ANKH: variants seen among roughly 807,000 people sequenced by gnomAD.
ANKH encodes the protein mineralization regulator ANKH.
In ANKH, 15 loss-of-function variants were observed where a neutral mutation model predicts 49.0. The ratio of observed to expected loss-of-function variants is 0.31; its 90% CI spans 0.20 to 0.47. The LOEUF is 0.47. Among genes scored for constraint, ANKH ranks in the 20% least tolerant of loss-of-function variants. The pLI is 1.00. For synonymous variants in ANKH, 273 were observed against 260.0 expected (o/e 1.05, Z -0.48); for missense variants, 429 against 652.0 (o/e 0.66, Z 3.72).
chr5:14,811,252 G>A (rs553535797), intron 1 of ANKH, among the ~76,000 whole-genome samples: 3 of 150,026 alleles, frequency 2.0e-5, no homozygotes, highest in Admixed American at 6.6e-5. Flanking sequence ...ATTCATACAC[G>A]ATAAAAAGAC....
chr5:14,861,566 G>A (rs1272614704), intron 1 of ANKH, among the ~76,000 whole-genome samples: 2 of 152,152 alleles, frequency 1.3e-5, no homozygotes, highest in East Asian at 1.9e-4. Flanking sequence ...GGTGTGGTGT[G>A]TGGCAGTGCC....
chr5:14,795,519 C>G (rs535555493), intron 1 of ANKH, among the ~76,000 whole-genome samples: 1 of 152,134 alleles, frequency 6.6e-6, no homozygotes, highest in Non-Finnish European at 1.5e-5. Context: ...AAACCTTCAC[C>G]CTTTTCAAAT....
At chr5:14,845,174 A>C (rs1353747334) in intron 1 of ANKH, among the ~76,000 whole-genome samples, 3 of 152,124 alleles carry the variant, frequency 2.0e-5, no homozygotes, top group Admixed American at 1.3e-4. Context: ...CTGGCAAAAA[A>C]CAAAAATGGA....
rs138050705 is a variant in ANKH at position 14,710,005 on chromosome 5, C to G, written c.*1192G>C. 2.0e-4 allele frequency: 30 copies of G among 152,120 alleles called. 1 individual carries two copies. The East Asian group carries it at 5.4e-3, about 27-fold the overall frequency. The allele number at this position is 152,120 out of a possible 1,614,324, so 9.4% of individuals were successfully genotyped here. On this transcript the variant is annotated 3_prime_UTR_variant, in exon 12 of 12. Transcript: ENST00000284268. ...CTATAATTTTTTTAAAGGAAAAAAC[C>G]TGCTTTCCAAAACTTAGAAAAATAT...
intron 1 of ANKH, among the ~76,000 whole-genome samples, chr5:14,841,757 C>T (rs2126610097): frequency 6.6e-6 from 1 of 152,288 alleles, no homozygotes; most frequent in Non-Finnish European, 1.5e-5. Flanking sequence ...CGCCAAGCCC[C>T]CAGCAACCCC....
rs1416374265 is a variant in ANKH, at chr5:14,871,348, T to A, written c.96+4A>T. 2 of 1,609,046 alleles carry A rather than the reference T, an allele frequency of 1.2e-6. No homozygotes were observed. The highest frequency in any genetic ancestry group is 2.7e-5 in the African/African-American group (2 of 74,442). ...CGGGCGTGGGGCGCGGGGCCGGGGC[T>A]TACCTGCTCCCCGAAGTCGATGGCT... is the stretch of plus-strand genomic sequence containing the variant. On this transcript the variant is annotated splice_donor_region_variant and intron_variant, in intron 1 of 11. Coordinates refer to ENST00000284268, the MANE Select transcript of ANKH (RefSeq NM_054027.6).
chr5:14,811,957 C>A (rs1178080177), intron 1 of ANKH, among the ~76,000 whole-genome samples: 2 of 152,066 alleles, frequency 1.3e-5, no homozygotes, highest in African/African-American at 4.8e-5. Flanking sequence ...TTAGAAGCAC[C>A]TTTTAGAAGT....
intron 1 of ANKH, chr5:14,798,116 T>G (rs906357250): frequency 6.4e-7 from 1 of 1,554,802 alleles, no homozygotes. Flanking sequence ...CGTAGTGTGA[T>G]GCATCAAACT....
rs1385582460 is a variant in ANKH, at chr5:14,707,910, G to A, written c.*3287C>T. The A allele has an allele frequency of 6.6e-6, 1 of 152,174 alleles. No individual in the cohort carries two copies. The highest frequency in any genetic ancestry group is 1.5e-5 in the Non-Finnish European group (1 of 68,034). 9.4% of individuals were successfully genotyped at this position (152,174 alleles called of 1,614,324 possible). A position where few individuals can be genotyped will look rare whatever the true frequency, so the allele number is the denominator to read the frequency against. On this transcript the variant is annotated 3_prime_UTR_variant, in exon 12 of 12. Transcript: ENST00000284268. ...AAACCCGATGCAGGCAGTCATGGGG[G>A]ATGACTGTTTTTTACCCAGAAATGC...
rs1456509862 is a variant in ANKH at position 14,705,496 on chromosome 5, GC to G, written c.*5700del. Reference sequence around the variant, plus strand: ...GCCAAGAAGCGTGAGTGATATGGAAGCCTCCAGCTTGAATACACTTCTTAAA... The same window carrying G: ...GCCAAGAAGCGTGAGTGATATGGAAGCTCCAGCTTGAATACACTTCTTAAA... On this transcript the variant is annotated 3_prime_UTR_variant, in exon 12 of 12. Transcript: ENST00000284268. 6.6e-6 allele frequency: 1 copy of G among 152,232 alleles called. No individual in the cohort carries two copies. Among genetic ancestry groups the G allele is most frequent in the African/African-American group, 2.4e-5 (1 of 41,460 alleles). 9.4% of individuals were successfully genotyped at this position (152,232 alleles called of 1,614,324 possible).
chr5:14,745,005 C>T lies in ANKH; in HGVS notation c.915+865G>A, dbSNP rs898776896. 5.3e-5 allele frequency among the ~76,000 whole-genome samples: 8 copies of T among 152,198 alleles called. No homozygotes were observed. Among genetic ancestry groups the T allele is most frequent in the African/African-American group, 1.9e-4 (8 of 41,452 alleles). ...TTCTGCCAGAGCTGAGCGCTGTGGA[C>T]ACCCCTGGCCAGGAGGCTTCCTCTC... On this transcript the variant is annotated intron_variant, in intron 7 of 11. Coordinates refer to ENST00000284268, the MANE Select transcript of ANKH (RefSeq NM_054027.6). The surrounding 1 kb of genome is among the most constrained non-coding windows in gnomAD (Gnocchi z 4.7).
chr5:14,807,721 G>A (rs1378548675), intron 1 of ANKH, among the ~76,000 whole-genome samples: 3 of 152,126 alleles, frequency 2.0e-5, no homozygotes, highest in Non-Finnish European at 4.4e-5. Context: ...ATATCACAGG[G>A]CTACAATCCC....
At chr5:14,774,586 C>T (rs1389300703) in intron 1 of ANKH, among the ~76,000 whole-genome samples, 3 of 152,142 alleles carry the variant, frequency 2.0e-5, no homozygotes, top group African/African-American at 7.2e-5. Context: ...TACAGGCACC[C>T]ACCACAACGC....
intron 1 of ANKH, chr5:14,798,424 T>A: frequency 6.5e-7 from 1 of 1,545,914 alleles, no homozygotes. Context: ...GCCGGGGGAA[T>A]CCTGGGGTCG....
chr5:14,729,550 A>G (rs1160075465), intron 8 of ANKH, among the ~76,000 whole-genome samples: 1 of 150,934 alleles, frequency 6.6e-6, no homozygotes, highest in African/African-American at 2.4e-5. Flanking sequence ...GCCAGACAGG[A>G]CCCCAAACCT....
chr5:14,845,941 C>T (rs970078227), intron 1 of ANKH, among the ~76,000 whole-genome samples: 10 of 150,264 alleles, frequency 6.7e-5, no homozygotes, highest in African/African-American at 2.5e-4. Context: ...CCACAACCTC[C>T]ATCTCCCAGG....
chr5:14,733,734 C>T (rs1339251058), intron 8 of ANKH, among the ~76,000 whole-genome samples: 2 of 152,212 alleles, frequency 1.3e-5, no homozygotes, highest in African/African-American at 4.8e-5. Flanking sequence ...GGCCGGTCAT[C>T]GGGAGTTTCA....
rs1741990565 is a variant in ANKH at position 14,847,242 on chromosome 5, T to C, written c.96+24110A>G. 2.0e-5 allele frequency among the ~76,000 whole-genome samples: 3 copies of C among 152,058 alleles called. No homozygotes were observed. The South Asian group carries it at 6.2e-4, about 32-fold the overall frequency. On this transcript the variant is annotated intron_variant, in intron 1 of 11. Coordinates refer to ENST00000284268, the MANE Select transcript of ANKH (RefSeq NM_054027.6). ...AGAGAGAAAAGTTGGCACCTCAAAG[T>C]GAATGCTTATGTAGCCAGTAAAAAC...
At chr5:14,773,435 C>T (rs758821641) in intron 1 of ANKH, among the ~76,000 whole-genome samples, 8 of 148,916 alleles carry the variant, frequency 5.4e-5, no homozygotes, top group Non-Finnish European at 1.0e-4. Flanking sequence ...CTATTTCCAC[C>T]AACAGTTCCC....
Sources: gnomAD v4.1 joint callset for allele counts (sites outside exome capture counted in the v4.1 genomes callset) on GRCh38, gnomAD v4.1.1 for gene constraint, Gnocchi (gnomAD v3.1) non-coding constraint, MANE v1.5 for transcripts, NCBI Gene and HGNC (gene_info 2026-07-23, HGNC 2026-07-21) for gene names.